PRAG1: variants seen among roughly 807,000 people sequenced by gnomAD.
PRAG1 encodes inactive tyrosine-protein kinase PRAG1.
A neutral mutation model predicts 95.6 loss-of-function variants in PRAG1; 110 were observed. The observed-to-expected ratio is 1.15, with a 90% CI of 0.99 to 1.35. The LOEUF (loss-of-function observed/expected upper bound fraction) is 1.35. Ranked by LOEUF, PRAG1 falls within the 40% of genes most tolerant of loss-of-function variation. PRAG1 has a pLI of 0.00. For synonymous variants in PRAG1, 1,052 were observed against 819.4 expected, an observed-to-expected ratio of 1.28 and a Z score of -4.85; for missense variants, 2,554 against 1,864.7, an observed-to-expected ratio of 1.37 and a Z score of -6.81.
chr8:8,321,825 TG>T (rs1798479832), intron 5 of PRAG1, among the ~76,000 whole-genome samples: 1 of 152,226 alleles, frequency 6.6e-6, no homozygotes, highest in South Asian at 2.1e-4. Context: ...GCAGGAGTTA[TG>T]TTCTGTGAAG....
chr8:8,374,626 G>C lies in PRAG1; in HGVS notation c.2162+1621C>G, dbSNP rs1453897789. ...TAAATCCATCCCTGGCCCATAGTGA[G>C]TGCCATATAAATGGAAGCTCATCTT... On this transcript the variant is annotated intron_variant, in intron 3 of 5. Coordinates refer to ENST00000615670, the MANE Select transcript of PRAG1 (RefSeq NM_001080826.3). 4 of 982,490 alleles carry C rather than the reference G, an allele frequency of 4.1e-6. No individual in the cohort carries two copies. In the East Asian group the frequency reaches 4.5e-4, roughly 112 times the overall value. 60.9% of individuals were successfully genotyped at this position (982,490 alleles called of 1,614,324 possible). A position where few individuals can be genotyped will look rare whatever the true frequency, so the allele number is the denominator to read the frequency against.
At chr8:8,323,590 C>G (rs1798538383) in intron 5 of PRAG1, among the ~76,000 whole-genome samples, 1 of 152,162 alleles carries the variant, frequency 6.6e-6, no homozygotes, top group African/African-American at 2.4e-5. Context: ...TCCCAAAGTG[C>G]TGGAATTACA....
chr8:8,381,528 C>T lies in PRAG1; in HGVS notation c.220G>A (p.Val74Met). 6.2e-7 allele frequency: 1 copy of T among 1,614,224 alleles called. No homozygotes were observed. The highest frequency in any genetic ancestry group is 8.5e-7 in the Non-Finnish European group (1 of 1,180,042). ...PENCRLEDEGVNSSPYSKPTI... is the reference protein window; with the variant it reads ...PENCRLEDEGMNSSPYSKPTI... ...GGCTTGGAGTAAGGTGAGCTGTTCA[C>T]ACCTTCATCTTCCAGGCGGCAGTTC... is the stretch of plus-strand genomic sequence containing the variant. The change falls in exon 2 of 6, where the codon GTG (valine) becomes ATG (methionine). Residue 74 changes from valine (V) to methionine (M), a missense_variant. Physicochemically the swap from Val to Met is conservative, Grantham distance 21. Coordinates refer to ENST00000615670, the MANE Select transcript of PRAG1 (RefSeq NM_001080826.3).
intron 3 of PRAG1, among the ~76,000 whole-genome samples, chr8:8,352,720 T>A (rs1642460584): frequency 6.6e-6 from 1 of 152,236 alleles, no homozygotes. Context: ...ACTTTCCCAA[T>A]ATCTCACTTC....
chr8:8,350,067 A>G (rs2116864100), intron 3 of PRAG1, among the ~76,000 whole-genome samples: 1 of 152,272 alleles, frequency 6.6e-6, no homozygotes, highest in East Asian at 1.9e-4. Context: ...GTGTACCCTG[A>G]TTATATACAG....
intron 3 of PRAG1, among the ~76,000 whole-genome samples, chr8:8,350,323 T>A (rs1799481453): frequency 6.6e-6 from 1 of 152,084 alleles, no homozygotes. Context: ...GATGAAGAAC[T>A]CATAGCTTGG....
chr8:8,369,396 G>A (rs1168868928), intron 3 of PRAG1, among the ~76,000 whole-genome samples: 18 of 152,156 alleles, frequency 1.2e-4, no homozygotes, highest in East Asian at 3.8e-4. Context: ...CAGCCAAAAT[G>A]GAGGCCTGTA....
chr8:8,381,578 G>A lies in PRAG1; in HGVS notation c.170C>T (p.Pro57Leu). 1 of 1,614,170 alleles carries A rather than the reference G, an allele frequency of 6.2e-7. No individual in the cohort carries two copies. ...CTCAGGCCTGGGAGGCAGGCGCGGT[G>A]GAGGGGGCAGGCTGCCCGCTCTGGG... ...PQPRAGSLPP[P>L]PRLPPRPENC... Residue 57 changes from proline (P) to leucine (L), a missense_variant, in exon 2 of 6, where the codon CCA becomes CTA. Physicochemically the swap from Pro to Leu is moderately conservative, Grantham distance 98. Coordinates refer to ENST00000615670, the MANE Select transcript of PRAG1 (RefSeq NM_001080826.3).
Position 8,377,857 on chromosome 8 carries a change from C to T in PRAG1, c.552G>A (p.Glu184=), listed in dbSNP as rs1030042957. The T allele has an allele frequency of 6.2e-7, 1 of 1,614,162 alleles. No homozygotes were observed. The change falls in exon 3 of 6, where the codon GAG becomes GAA. Residue 184 remains glutamate, a synonymous_variant. Coordinates refer to ENST00000615670, the MANE Select transcript of PRAG1 (RefSeq NM_001080826.3). ...NIAFHPVSFP[E]EKAVHKEKPS... The stretch of plus-strand genomic sequence containing the variant: ...GTTTTTCTTTGTGCACAGCCTTCTC[C>T]TCCGGGAAGCTCACCGGGTGGAAGG...
At chr8:8,353,147 A>T (rs1423816521) in intron 3 of PRAG1, among the ~76,000 whole-genome samples, 1 of 152,216 alleles carries the variant, frequency 6.6e-6, no homozygotes, top group African/African-American at 2.4e-5. Context: ...CATTTTCAAC[A>T]ATGTGATAGA....
At position 8,377,489 on chromosome 8, in the gene PRAG1, A is replaced by G; in HGVS notation, c.920T>C (p.Phe307Ser). 1.3e-6 allele frequency: 2 copies of G among 1,551,348 alleles called. No individual in the cohort carries two copies. Among genetic ancestry groups the G allele is most frequent in the Non-Finnish European group, 1.7e-6 (2 of 1,149,506 alleles). The change falls in exon 3 of 6, where the codon TTC becomes TCC. Residue 307 changes from phenylalanine (F) to serine (S), a missense_variant. Phe to Ser is a radical substitution (Grantham distance 155, BLOSUM62 -2). Coordinates refer to ENST00000615670, the MANE Select transcript of PRAG1 (RefSeq NM_001080826.3). ...PAEQEKRGPS[F>S]PKECCSQGPT... is the part of the protein sequence containing the mutation. ...GCCCTGGCTACAGCACTCCTTGGGG[A>G]AGCTCGGGCCCCGCTTCTCCTGCTC... is the stretch of plus-strand genomic sequence containing the variant.
intron 2 of PRAG1, among the ~76,000 whole-genome samples, chr8:8,379,003 G>C (rs1345883873): frequency 6.6e-6 from 1 of 151,928 alleles, no homozygotes; most frequent in Admixed American, 6.6e-5. Context: ...TCAGAGTGAG[G>C]GGTAGTTTCT....
intron 3 of PRAG1, among the ~76,000 whole-genome samples, chr8:8,347,095 G>A (rs1291905233): frequency 1.3e-5 from 2 of 152,192 alleles, no homozygotes; most frequent in Non-Finnish European, 2.9e-5. Context: ...AAGAAGAAAG[G>A]AAAAGACTGG....
chr8:8,331,442 T>C lies in PRAG1; in HGVS notation c.2321-2981A>G, dbSNP rs1302214834. Among the ~76,000 whole-genome samples, 3 of 152,164 alleles carry C rather than the reference T, an allele frequency of 2.0e-5. No homozygotes were observed. In the South Asian group the frequency reaches 6.2e-4, roughly 32 times the overall value. ...CCGATGACATCATTGTGAAGGCCCC[T>C]TGCAGCACTAATAGTCTATAATTTC... On this transcript the variant is annotated intron_variant, in intron 4 of 5. Transcript: ENST00000615670.
intron 3 of PRAG1, among the ~76,000 whole-genome samples, chr8:8,375,873 T>G (rs1800367856): frequency 6.6e-6 from 1 of 152,098 alleles, no homozygotes; most frequent in Admixed American, 6.6e-5. Flanking sequence ...TTTGCATGTT[T>G]AAATTAACGG....
chr8:8,378,980 T>C (rs757683677), intron 2 of PRAG1, among the ~76,000 whole-genome samples: 2 of 149,878 alleles, frequency 1.3e-5, no homozygotes, highest in South Asian at 2.1e-4. Context: ...TGAGGGGTGG[T>C]TTCTGAACCA....
intron 3 of PRAG1, among the ~76,000 whole-genome samples, chr8:8,342,286 G>A (rs1045636821): frequency 4.0e-5 from 6 of 149,484 alleles, no homozygotes; most frequent in African/African-American, 4.9e-5. Flanking sequence ...TACGCCTCCC[G>A]GGTTCACGCC....
intron 5 of PRAG1, among the ~76,000 whole-genome samples, chr8:8,325,391 G>A (rs1439668124): frequency 1.3e-5 from 2 of 152,280 alleles, no homozygotes; most frequent in East Asian, 1.9e-4. Flanking sequence ...CTCCAGGAAA[G>A]TCAACTAGGA....
chr8:8,346,695 A>T (rs1209156701), intron 3 of PRAG1, among the ~76,000 whole-genome samples: 5 of 152,226 alleles, frequency 3.3e-5, no homozygotes, highest in Non-Finnish European at 5.9e-5. Context: ...TCCTTAACGG[A>T]TGCGGGGCCC....
Sources: allele counts gnomAD v4.1 joint callset (sites outside exome capture counted in the v4.1 genomes callset), GRCh38; gene constraint gnomAD v4.1.1; transcripts MANE v1.5; gene names NCBI Gene and HGNC (gene_info 2026-07-23, HGNC 2026-07-21).